TPR: variants seen among roughly 807,000 people sequenced by gnomAD.
TPR encodes translocated promoter region, nuclear basket protein, also known as nucleoprotein TPR.
In TPR, 51 loss-of-function variants were observed where a neutral mutation model predicts 316.1. That is an observed-to-expected ratio of 0.16 (90% confidence interval 0.13 to 0.20). The LOEUF (loss-of-function observed/expected upper bound fraction) is 0.20, where lower values mean the gene tolerates loss of function less well. Among genes scored for constraint, TPR ranks in the 10% least tolerant of loss-of-function variants. TPR has a pLI of 1.00. For synonymous variants in TPR, 981 were observed against 914.7 expected, an observed-to-expected ratio of 1.07 and a Z score of -1.31; for missense variants, 2,272 against 2,754.8, an observed-to-expected ratio of 0.82 and a Z score of 3.92.
At chr1:186,322,198 A>C in intron 45 of TPR, 120 bp downstream of exon 45, 1 of 911,408 alleles carries the variant, frequency 1.1e-6, no homozygotes, top group East Asian at 2.7e-5. Flanking sequence ...CCAAGTACTT[A>C]TTAGTACATA....
Position 186,362,848 on chromosome 1 carries a change from T to C in TPR, c.685A>G (p.Lys229Glu). 1.3e-6 allele frequency: 2 copies of C among 1,584,068 alleles called. No homozygotes were observed. The highest frequency in any genetic ancestry group is 1.7e-6 in the Non-Finnish European group (2 of 1,171,994). ...TTTTACTAACTTACCTCTTCTTTTT[T>C]ATTTTCAAGATTACATTTAAGCTCT... ...ILELKCNLEN[K>E]KEEVSRLEEQ... Residue 229 changes from lysine (K) to glutamate (E), a missense_variant, in exon 6 of 51, where the codon AAA becomes GAA. Coordinates refer to ENST00000367478, the MANE Select transcript of TPR (RefSeq NM_003292.3).
chr1:186,332,836 G>A (rs1403378866), intron 37 of TPR, among the ~76,000 whole-genome samples: 1 of 152,064 alleles, frequency 6.6e-6, no homozygotes, highest in Non-Finnish European at 1.5e-5. Flanking sequence ...AATAACTGGA[G>A]GGGGAGAATC....
In TPR at chr1:186,361,664, C is replaced by T. The variant is rs1010848301; in HGVS notation, c.916G>A (p.Ala306Thr). The T allele has an allele frequency of 6.2e-6, 10 of 1,613,336 alleles. No homozygotes were observed. The highest frequency in any genetic ancestry group is 6.8e-6 in the Non-Finnish European group (8 of 1,179,508). Residue 306 changes from alanine to threonine, a missense_variant, in exon 9 of 51, where the codon GCA becomes ACA. Around this residue, in one of 10 missense-constraint regions of TPR, gnomAD observed 549 missense variants for 598.6 expected, o/e 0.92. Coordinates refer to ENST00000367478, the MANE Select transcript of TPR (RefSeq NM_003292.3). ...SEAKSNELTR[A>T]VEELHKLLKE... is the part of the protein sequence containing the mutation. ...AAAAGTTTGTGTAGTTCCTCTACTG[C>T]CCGGGTTAGTTCATTGCTCTTTGCT... is the stretch of plus-strand genomic sequence containing the variant.
At position 186,343,543 on chromosome 1, in the gene TPR, T is replaced by C. The variant is rs576579684; in HGVS notation, c.3603-70A>G. 5.5e-6 allele frequency: 8 copies of C among 1,443,530 alleles called. No homozygotes were observed. The African/African-American group carries it at 1.0e-4, about 18-fold the overall frequency. The allele number at this position is 1,443,530 out of a possible 1,614,324, so 89.4% of individuals were successfully genotyped here. Reference sequence around the variant, plus strand: ...CCAACATTACAAAACGTAGGTAATTTGGTAAGATGACAAAAATCATTGACT... The same window carrying C: ...CCAACATTACAAAACGTAGGTAATTCGGTAAGATGACAAAAATCATTGACT... On this transcript the variant is annotated intron_variant, in intron 26 of 50. Transcript: ENST00000367478.
Position 186,341,258 on chromosome 1 carries a change from T to C in TPR, c.3882A>G (p.Gln1294=), listed in dbSNP as rs754957588. Residue 1294 remains glutamine (Q), a synonymous_variant, in exon 28 of 51, where the codon CAA becomes CAG. Coordinates refer to ENST00000367478, the MANE Select transcript of TPR (RefSeq NM_003292.3). ...TGATAACTAAGCAACAAACCTTTGC[T>C]TGCATTTGCTGTAGATCCTGTTCTA... ...ERLEQDLQQM[Q]AKVRKLELDI... is the part of the protein sequence containing the mutation. The C allele has an allele frequency of 5.0e-6, 8 of 1,613,708 alleles. No individual in the cohort carries two copies. The highest frequency in any genetic ancestry group is 6.8e-6 in the Non-Finnish European group (8 of 1,179,958).
In TPR at chr1:186,374,892, A is replaced by T. The variant is rs2101998505; in HGVS notation, c.137T>A (p.Phe46Tyr). The change falls in exon 1 of 51, where the codon TTT (phenylalanine) becomes TAT (tyrosine). Residue 46 changes from phenylalanine (F) to tyrosine (Y), a missense_variant. By Grantham distance (22) the Phe-to-Tyr change is conservative (BLOSUM62 3). Transcript: ENST00000367478. ...ATCTCACTTACCGCTCTCCACCTTA[A>T]ATTTCTCATGCCGCCCCTTCAGGCC... Reference protein sequence around the residue: ...IDGLKGRHEKFKVESEQQYFE... With the variant: ...IDGLKGRHEKYKVESEQQYFE... The T allele has an allele frequency of 6.3e-7, 1 of 1,597,924 alleles. No individual in the cohort carries two copies. Among genetic ancestry groups the T allele is most frequent in the East Asian group, 2.3e-5 (1 of 44,358 alleles).
In TPR at chr1:186,347,441, C is replaced by T. The variant is rs989285477; in HGVS notation, c.2794G>A (p.Glu932Lys). Residue 932 changes from glutamate to lysine, a missense_variant, in exon 22 of 51, where the codon GAA becomes AAA. Physicochemically the swap from Glu to Lys is moderately conservative, Grantham distance 56 (BLOSUM62 1). Around this residue, in one of 10 missense-constraint regions of TPR, gnomAD observed 757 missense variants for 859.8 expected, o/e 0.88. Coordinates refer to ENST00000367478, the MANE Select transcript of TPR (RefSeq NM_003292.3). ...TGACTCACAAGATCATCCACATCTT[C>T]TTTGTTGCTAGGCTGACCTAAAAGA... is the stretch of plus-strand genomic sequence containing the variant. The part of the protein sequence containing the change: ...RTGKGQPSNK[E>K]DVDDLVSQLR... The T allele has an allele frequency of 3.1e-6, 5 of 1,613,870 alleles. No individual in the cohort carries two copies. The highest frequency in any genetic ancestry group is 4.2e-6 in the Non-Finnish European group (5 of 1,179,926).
At chr1:186,322,688 A>ATTTT in intron 43 of TPR, 102 bp from the exon 44 acceptor site, 1 of 1,167,274 alleles carries the variant, frequency 8.6e-7, no homozygotes, top group South Asian at 1.3e-5. Flanking sequence ...CCAACAAAAT[A>ATTTT]GTTAGCAGAC....
intron 43 of TPR, 46 bp downstream of exon 43, chr1:186,323,640 G>A (rs377417949): frequency 1.4e-6 from 2 of 1,406,792 alleles, no homozygotes; most frequent in Non-Finnish European, 1.9e-6. Context: ...GAAAAGCCAA[G>A]ATTTTTTTCA....
At chr1:186,314,486 A>C in intron 50 of TPR, 143 bp downstream of exon 50, 2 of 542,246 alleles carry the variant, frequency 3.7e-6, no homozygotes, top group Non-Finnish European at 6.2e-6. Flanking sequence ...CAGATTGGTA[A>C]ATATCACCTG....
intron 38 of TPR, 90 bp from the exon 39 acceptor site, chr1:186,331,671 C>A: frequency 1.3e-6 from 1 of 750,922 alleles, no homozygotes; most frequent in Non-Finnish European, 2.0e-6. Flanking sequence ...TGAAAAAACC[C>A]TTCAAATCTA....
intron 39 of TPR, among the ~76,000 whole-genome samples, chr1:186,329,473 T>C (rs768352419): frequency 1.3e-5 from 2 of 152,200 alleles, no homozygotes; most frequent in Non-Finnish European, 2.9e-5. Flanking sequence ...ATGTTTCATA[T>C]ACAAAGGTGT....
At chr1:186,322,744 T>G in intron 43 of TPR, 158 bp from the exon 44 acceptor site, 1 of 673,900 alleles carries the variant, frequency 1.5e-6, no homozygotes, top group East Asian at 2.8e-5. Context: ...AGAAATCACT[T>G]TTGTCAATGA....
chr1:186,335,610 T>TA (rs1658316586), intron 33 of TPR, 67 bp from the exon 34 acceptor site: 1 of 1,287,448 alleles, frequency 7.8e-7, no homozygotes, highest in Non-Finnish European at 1.1e-6. Flanking sequence ...TTTATGCACT[T>TA]AATTGGCACA....
rs747742571 is a variant in TPR, at chr1:186,341,118, T to C, written c.3930A>G (p.Ala1310=). 1.9e-6 allele frequency: 3 copies of C among 1,614,148 alleles called. No individual in the cohort carries two copies. The South Asian group carries it at 3.3e-5, about 18-fold the overall frequency. The change falls in exon 29 of 51, where the codon GCA becomes GCG. Residue 1310 remains alanine (A), a synonymous_variant. Transcript: ENST00000367478. ...CGCTTTTCTCACTCAGCTCAGCATT[T>C]GCTTCTTGTAAGGGTAAAATATCTA... is the stretch of plus-strand genomic sequence containing the variant. The part of the protein sequence containing the change: ...LELDILPLQE[A]NAELSEKSGM...
At chr1:186,349,669 A>T (rs59983333) in intron 21 of TPR, among the ~76,000 whole-genome samples, 41,251 of 148,458 alleles carry the variant, frequency 0.28, 6,190 homozygotes, top group East Asian at 0.38. Context: ...CAAAAAAAAA[A>T]AAAAAAATAA....
rs371629499 is a variant in TPR at position 186,356,488 on chromosome 1, A to T, written c.1725-39T>A. 5.4e-5 allele frequency: 83 copies of T among 1,538,518 alleles called. No individual in the cohort carries two copies. In the African/African-American group the frequency reaches 1.1e-3, roughly 20 times the overall value. The stretch of plus-strand genomic sequence containing the variant: ...CGGCCTAATTCACAGGACTGAACTG[A>T]GAGTTAACTGATTGTAATTTCTACT... On this transcript the variant is annotated intron_variant, in intron 14 of 50. Coordinates refer to ENST00000367478, the MANE Select transcript of TPR (RefSeq NM_003292.3).
At chr1:186,341,199 T>G (rs766894575) in intron 28 of TPR, 40 bp from the exon 29 acceptor site, 60 of 1,612,506 alleles carry the variant, frequency 3.7e-5, no homozygotes, top group Non-Finnish European at 4.4e-5. Flanking sequence ...ATGTAAAAAT[T>G]CATTTATTAT....
Position 186,347,468 on chromosome 1 carries a change from A to T in TPR, c.2777-10T>A. ...TTGTTGCTAGGCTGACCTAAAAGAC[A>T]TAACAGCTCTGTTAAAATTAACATT... is the stretch of plus-strand genomic sequence containing the variant. On this transcript the variant is annotated splice_polypyrimidine_tract_variant and intron_variant, in intron 21 of 50. Coordinates refer to ENST00000367478, the MANE Select transcript of TPR (RefSeq NM_003292.3). The T allele has an allele frequency of 1.2e-6, 2 of 1,611,120 alleles. No homozygotes were observed. The highest frequency in any genetic ancestry group is 1.7e-6 in the Non-Finnish European group (2 of 1,178,918).
Sources: allele counts gnomAD v4.1 joint callset (sites outside exome capture counted in the v4.1 genomes callset), GRCh38; gene constraint gnomAD v4.1.1; regional missense constraint gnomAD v4.1.1; transcripts MANE v1.5; gene names NCBI Gene and HGNC (gene_info 2026-07-23, HGNC 2026-07-21).